The following DOCK7 variants were observed in gnomAD, a reference collection of about 807,000 sequenced individuals.
The protein encoded by DOCK7 is dedicator of cytokinesis 7, also known as dedicator of cytokinesis protein 7.
Under a neutral mutation model 271.0 loss-of-function variants are expected in DOCK7, and 138 were observed. That is an observed-to-expected ratio of 0.51 (90% confidence interval 0.44 to 0.59). DOCK7 has a LOEUF of 0.59. Among genes scored for constraint, DOCK7 ranks in the 20% least tolerant of loss-of-function variants. The pLI is 0.00. For synonymous variants in DOCK7, 823 were observed against 876.1 expected (o/e 0.94, Z 1.07); for missense variants, 2,066 against 2,592.4 (o/e 0.80, Z 4.41).
At position 62,474,115 on chromosome 1, in the gene DOCK7, G is replaced by GT. The variant is rs776019159; in HGVS notation, c.6106-28dup. The GT allele has an allele frequency of 6.1e-5, 96 of 1,569,174 alleles. 4 individuals carry two copies. Among genetic ancestry groups the GT allele is most frequent in the African/African-American group, 1.4e-5 (1 of 73,184 alleles). On this transcript the variant is annotated intron_variant, in intron 47 of 49. Coordinates refer to ENST00000635253, the MANE Select transcript of DOCK7 (RefSeq NM_001367561.1). ...TGCAAAATAAGAAAATAAGAAGTGTGTTTTTTTGTTATCTCTAAAATCACA... is the reference window on the plus strand; with the variant it reads ...TGCAAAATAAGAAAATAAGAAGTGTGTTTTTTTTGTTATCTCTAAAATCACA...
At chr1:62,567,726 ATC>A (rs953095421) in intron 18 of DOCK7, among the ~76,000 whole-genome samples, 2 of 151,810 alleles carry the variant, frequency 1.3e-5, no homozygotes, top group Admixed American at 1.3e-4. Flanking sequence ...GAAATTCAAC[ATC>A]TCTGAGGCAA....
Position 62,492,588 on chromosome 1 carries a change from C to T in DOCK7, c.5361+116G>A, listed in dbSNP as rs1346668126. On this transcript the variant is annotated intron_variant, in intron 41 of 49. Transcript: ENST00000635253. Reference sequence around the variant, plus strand: ...CAGGCATGAGCCACCATACTGGGTCCAGAATAAATTATCTTTAAAGAAAAG... The same window carrying T: ...CAGGCATGAGCCACCATACTGGGTCTAGAATAAATTATCTTTAAAGAAAAG... 2.2e-6 allele frequency: 3 copies of T among 1,334,436 alleles called. No individual in the cohort carries two copies. In the Admixed American group the frequency reaches 6.1e-5, roughly 27 times the overall value. 82.7% of individuals were successfully genotyped at this position (1,334,436 alleles called of 1,614,324 possible).
At chr1:62,634,956 T>C (rs1474754816) in intron 8 of DOCK7, 34 bp from the exon 9 acceptor site, 18 of 1,483,068 alleles carry the variant, frequency 1.2e-5, no homozygotes, top group Admixed American at 3.6e-5. Context: ...CTTTAAAATA[T>C]GTACATTTTA....
intron 1 of DOCK7, among the ~76,000 whole-genome samples, chr1:62,674,849 T>G (rs1032291677): frequency 2.0e-5 from 3 of 152,096 alleles, no homozygotes; most frequent in Non-Finnish European, 4.4e-5. Flanking sequence ...ACTATCAAAT[T>G]TTTAGCAGAA....
chr1:62,513,838 G>C lies in DOCK7; in HGVS notation c.3997C>G (p.Leu1333Val). 5 of 1,614,078 alleles carry C rather than the reference G, an allele frequency of 3.1e-6. No homozygotes were observed. Among genetic ancestry groups the C allele is most frequent in the Non-Finnish European group, 4.2e-6 (5 of 1,179,984 alleles). The change falls in exon 32 of 50, where the codon CTT becomes GTT. Residue 1333 changes from leucine (L) to valine (V), a missense_variant. This residue lies in a region of DOCK7 where 1,414 missense variants were observed against 1,670.4 expected (regional missense o/e 0.85). Coordinates refer to ENST00000635253, the MANE Select transcript of DOCK7 (RefSeq NM_001367561.1). ...ESSRSLLICLLWVLKNADETV... is the reference protein window; with the variant it reads ...ESSRSLLICLVWVLKNADETV... ...TCATCTGCATTTTTGAGAACCCAAA[G>C]TAGACAGATCAAAAGGCTTCGACTT...
In DOCK7 at chr1:62,647,986, T is replaced by C. The variant is rs1656879528; in HGVS notation, c.732+120A>G. 3.6e-5 allele frequency: 34 copies of C among 941,540 alleles called. 1 individual carries two copies. In the South Asian group the frequency reaches 5.4e-4, roughly 15 times the overall value. The allele number at this position is 941,540 out of a possible 1,614,324, so 58.3% of individuals were successfully genotyped here. A position where few individuals can be genotyped will look rare whatever the true frequency, so the allele number is the denominator to read the frequency against. On this transcript the variant is annotated intron_variant, in intron 6 of 49. Transcript: ENST00000635253. ...CACTAGTATAAAATGTATTCATTTA[T>C]AAAAATTACAGCTGTTTCAGTTGCT... is the stretch of plus-strand genomic sequence containing the variant.
intron 21 of DOCK7, among the ~76,000 whole-genome samples, chr1:62,553,350 ATATATTTTTTTTTTTTTTTTT>A (rs1437726703): frequency 0.064 from 943 of 14,660 alleles, 6 homozygotes; most frequent in Middle Eastern, 0.25. Context: ...ATATATATAT[ATATATTTTTTTTTTTTTTTTT>A]TTTTTTTTTT....
chr1:62,474,007 G>A lies in DOCK7; in HGVS notation c.6187C>T (p.Leu2063Phe). Reference sequence around the variant, plus strand: ...CTTTTAGTAAAATCTTTAAAGCAGAGTCGCAGTTTATTATGATGTCTGAAG... The same window carrying A: ...CTTTTAGTAAAATCTTTAAAGCAGAATCGCAGTTTATTATGATGTCTGAAG... ...KLFRHHNKLR[L>F]CFKDFTKRCE... The change falls in exon 48 of 50, where the codon CTC becomes TTC. Residue 2063 changes from leucine to phenylalanine, a missense_variant. Physicochemically the swap from Leu to Phe is conservative, Grantham distance 22 (BLOSUM62 0). Transcript: ENST00000635253. 4 of 1,613,992 alleles carry A rather than the reference G, an allele frequency of 2.5e-6. No individual in the cohort carries two copies. The highest frequency in any genetic ancestry group is 3.4e-6 in the Non-Finnish European group (4 of 1,179,942).
chr1:62,653,400 T>C (rs921246071), intron 4 of DOCK7, among the ~76,000 whole-genome samples: 1 of 152,164 alleles, frequency 6.6e-6, no homozygotes, highest in African/African-American at 2.4e-5. Flanking sequence ...TGGATTCTTT[T>C]TGAGAAATAC....
intron 14 of DOCK7, chr1:62,602,283 A>G: frequency 6.3e-7 from 1 of 1,599,358 alleles, no homozygotes; most frequent in Non-Finnish European, 8.6e-7. Context: ...CATTATATTC[A>G]GGTAGTCCAT....
At chr1:62,514,294 A>G (rs1644593361) in intron 31 of DOCK7, among the ~76,000 whole-genome samples, 1 of 152,190 alleles carries the variant, frequency 6.6e-6, no homozygotes, top group Non-Finnish European at 1.5e-5. Flanking sequence ...GAGTGGGCTA[A>G]GAGTAGAAAG....
At chr1:62,681,869 T>C (rs893841839) in intron 1 of DOCK7, among the ~76,000 whole-genome samples, 15 of 152,096 alleles carry the variant, frequency 9.9e-5, no homozygotes, top group African/African-American at 3.4e-4. Context: ...ATACACACAA[T>C]ACGATTCCAC....
At chr1:62,579,914 A>G (rs183270666) in intron 16 of DOCK7, among the ~76,000 whole-genome samples, 174 of 152,122 alleles carry the variant, frequency 1.1e-3, no homozygotes, top group South Asian at 2.5e-3. Flanking sequence ...AATACATCAA[A>G]TATCTTGTTT....
At chr1:62,642,394 G>A (rs554826852) in intron 7 of DOCK7, among the ~76,000 whole-genome samples, 4 of 152,170 alleles carry the variant, frequency 2.6e-5, no homozygotes, top group Admixed American at 1.3e-4. Flanking sequence ...GTGAGCCACC[G>A]TGCCTGGCCT....
At chr1:62,675,127 A>G (rs552266729) in intron 1 of DOCK7, among the ~76,000 whole-genome samples, 3 of 152,326 alleles carry the variant, frequency 2.0e-5, no homozygotes, top group South Asian at 2.1e-4. Context: ...TGAAAAATGA[A>G]TAAGAGGCCA....
At chr1:62,494,132 G>C in intron 40 of DOCK7, 143 bp downstream of exon 40, 1 of 669,972 alleles carries the variant, frequency 1.5e-6, no homozygotes, top group Non-Finnish European at 2.4e-6. Context: ...GACAATCACT[G>C]TGAAATGTTA....
intron 1 of DOCK7, among the ~76,000 whole-genome samples, chr1:62,671,018 C>A (rs1018540002): frequency 4.6e-5 from 7 of 151,582 alleles, no homozygotes; most frequent in Non-Finnish European, 8.8e-5. Flanking sequence ...CCGGGAGGAA[C>A]GAACAACTCC....
chr1:62,616,828 G>A lies in DOCK7; in HGVS notation c.1682+1878C>T, dbSNP rs1652496602. Among the ~76,000 whole-genome samples the A allele has an allele frequency of 4.0e-5, 6 of 151,636 alleles. No homozygotes were observed. In the South Asian group the frequency reaches 1.2e-3, roughly 31 times the overall value. ...TCTTAGGGCAAAATAAGACGCAAAA[G>A]ATTAGCAATCAGTATAATATTGGAC... On this transcript the variant is annotated intron_variant, in intron 14 of 49. Coordinates refer to ENST00000635253, the MANE Select transcript of DOCK7 (RefSeq NM_001367561.1).
At chr1:62,633,103 A>G (rs1268985380) in intron 10 of DOCK7, among the ~76,000 whole-genome samples, 1 of 152,198 alleles carries the variant, frequency 6.6e-6, no homozygotes, top group Admixed American at 6.5e-5. Context: ...AGACAAGAAT[A>G]CTTCTATTTT....
Sources: gnomAD v4.1 joint callset for allele counts (sites outside exome capture counted in the v4.1 genomes callset) on GRCh38, gnomAD v4.1.1 for gene constraint, gnomAD v4.1.1 regional missense constraint, MANE v1.5 for transcripts, NCBI Gene and HGNC (gene_info 2026-07-23, HGNC 2026-07-21) for gene names.